KMT5A: variants seen among roughly 807,000 people sequenced by gnomAD.
KMT5A encodes the protein N-lysine methyltransferase KMT5A.
KMT5A carries 6 observed loss-of-function variants against 40.6 expected under a neutral mutation model. That is an observed-to-expected ratio of 0.15 (90% confidence interval 0.08 to 0.29). KMT5A has a LOEUF of 0.29. Among genes scored for constraint, KMT5A ranks in the 10% least tolerant of loss-of-function variants. The pLI is 1.00. For synonymous variants in KMT5A, 153 were observed against 178.8 expected (o/e 0.86, Z 1.15); for missense variants, 308 against 459.1 (o/e 0.67, Z 3.01).
rs1164992136 is a variant in KMT5A, at chr12:123,403,696, C to T, written c.657+64C>T. On this transcript the variant is annotated intron_variant, in intron 6 of 7. Transcript: ENST00000402868. The stretch of plus-strand genomic sequence containing the variant: ...TGGAAGAGCTCACCTTCCCTGGTCC[C>T]GTGGCTGAGAGTGGCCACCATGTGG... The T allele has an allele frequency of 8.8e-6, 14 of 1,597,900 alleles. 1 individual carries two copies. The highest frequency in any genetic ancestry group is 7.7e-5 in the South Asian group (7 of 90,606).
chr12:123,389,999 C>G (rs1241347172), intron 2 of KMT5A: 1 of 460,188 alleles, frequency 2.2e-6, no homozygotes, highest in African/African-American at 2.0e-5. Flanking sequence ...CCCGTCCACT[C>G]TCTTACTGAC....
chr12:123,402,041 A>C lies in KMT5A; in HGVS notation c.598-1532A>C, dbSNP rs187161133. 3.5e-3 allele frequency among the ~76,000 whole-genome samples: 540 copies of C among 152,248 alleles called. 3 individuals carry two copies. The highest frequency in any genetic ancestry group is 0.012 in the African/African-American group (492 of 41,546). ...GCTGGGACCAAAGGTGTACGCCACCACACCTAGCTTATTTATTTTTTGTAG... is the reference window on the plus strand; with the variant it reads ...GCTGGGACCAAAGGTGTACGCCACCCCACCTAGCTTATTTATTTTTTGTAG... On this transcript the variant is annotated intron_variant, in intron 5 of 7. Transcript: ENST00000402868.
rs542347513 is a variant in KMT5A, at chr12:123,402,687, G to C, written c.598-886G>C. On this transcript the variant is annotated intron_variant, in intron 5 of 7. Transcript: ENST00000402868. ...TAGGGATGGAGGTAGGTGCAGGAGG[G>C]GTGGCCTTAGAGGAGAGGTGGATCC... Among the ~76,000 whole-genome samples, 606 of 152,322 alleles carry C rather than the reference G, an allele frequency of 4.0e-3. 6 individuals are homozygous for C. The highest frequency in any genetic ancestry group is 6.0e-3 in the Non-Finnish European group (410 of 68,032).
chr12:123,406,711 A>G (rs1362490157), intron 7 of KMT5A, among the ~76,000 whole-genome samples: 2 of 151,528 alleles, frequency 1.3e-5, no homozygotes, highest in Non-Finnish European at 2.9e-5. Context: ...CCCCCCACCC[A>G]GGGCCTGTGC....
At chr12:123,390,400 G>T (rs1877211581) in intron 2 of KMT5A, among the ~76,000 whole-genome samples, 1 of 152,162 alleles carries the variant, frequency 6.6e-6, no homozygotes, top group South Asian at 2.1e-4. Flanking sequence ...CTGCTGGCCA[G>T]CTGTCCCCTT....
chr12:123,395,407 A>G, intron 4 of KMT5A, 141 bp downstream of exon 4: 1 of 820,222 alleles, frequency 1.2e-6, no homozygotes, highest in South Asian at 1.8e-5. Context: ...GCCCCGAGTC[A>G]TCAGCAGGGA....
intron 1 of KMT5A, among the ~76,000 whole-genome samples, chr12:123,386,856 ACTTTT>A (rs997383811): frequency 2.7e-5 from 4 of 150,926 alleles, no homozygotes; most frequent in African/African-American, 7.3e-5. Flanking sequence ...AAAAATACAG[ACTTTT>A]CTTTTTTTTT....
rs370770940 is a variant in KMT5A, at chr12:123,396,298, G to C, written c.510-47G>C. 1.9e-6 allele frequency: 3 copies of C among 1,591,642 alleles called. No individual in the cohort carries two copies. In the African/African-American group the frequency reaches 4.0e-5, roughly 21 times the overall value. ...CCTTCTAAGGAGCTGTGTGCCTCCA[G>C]GTTTTCAGTCCTGATATTTATTTTC... On this transcript the variant is annotated intron_variant, in intron 4 of 7. Transcript: ENST00000402868.
chr12:123,400,365 A>AT (rs35326700), intron 5 of KMT5A, among the ~76,000 whole-genome samples: 76,418 of 145,874 alleles, frequency 0.52, 23,700 homozygotes, highest in East Asian at 0.7. Context: ...TTATTTTGCA[A>AT]TTTTTTTTTT....
chr12:123,403,070 T>G (rs1878297234), intron 5 of KMT5A, among the ~76,000 whole-genome samples: 1 of 152,196 alleles, frequency 6.6e-6, no homozygotes, highest in Admixed American at 6.5e-5. Flanking sequence ...CACACCTGGC[T>G]AATTTTTGTA....
At chr12:123,394,257 G>C (rs1326900620) in intron 3 of KMT5A, among the ~76,000 whole-genome samples, 1 of 151,410 alleles carries the variant, frequency 6.6e-6, no homozygotes, top group Non-Finnish European at 1.5e-5. Context: ...GTGTCCGCCA[G>C]TACACTTGGC....
Position 123,407,481 on chromosome 12 carries a change from C to G in KMT5A, c.849-12C>G, listed in dbSNP as rs200816147. On this transcript the variant is annotated splice_polypyrimidine_tract_variant and intron_variant, in intron 7 of 7. Coordinates refer to ENST00000402868, the MANE Select transcript of KMT5A (RefSeq NM_020382.7). ...ATCCATTTAATCCTCTCTGGCCCTCCTTCCCCTCCAGCGTGGATGCAACTA... is the reference window on the plus strand; with the variant it reads ...ATCCATTTAATCCTCTCTGGCCCTCGTTCCCCTCCAGCGTGGATGCAACTA... 80 of 1,613,760 alleles carry G rather than the reference C, an allele frequency of 5.0e-5. No individual in the cohort carries two copies. In the African/African-American group the frequency reaches 7.2e-4, roughly 15 times the overall value.
chr12:123,391,301 T>A (rs548301120), intron 3 of KMT5A: 1 of 155,490 alleles, frequency 6.4e-6, no homozygotes, highest in East Asian at 1.9e-4. Context: ...CTCAAGCGAT[T>A]CTTCTGCTGC....
rs760369562 is a variant in KMT5A at position 123,407,622 on chromosome 12, C to A, written c.978C>A (p.Ile326=). ...TCATCCTCATCGCCTCCCGAGACAT[C>A]GCGGCTGGGGAGGAGCTCCTGTATG... is the stretch of plus-strand genomic sequence containing the variant. ...PHLILIASRD[I]AAGEELLYDY... Residue 326 remains isoleucine, a synonymous_variant, in exon 8 of 8, where the codon ATC becomes ATA. Transcript: ENST00000402868. The A allele has an allele frequency of 1.2e-6, 2 of 1,613,890 alleles. No homozygotes were observed. Among genetic ancestry groups the A allele is most frequent in the Non-Finnish European group, 1.7e-6 (2 of 1,179,850 alleles).
intron 2 of KMT5A, chr12:123,390,118 T>C: frequency 2.1e-6 from 1 of 467,954 alleles, no homozygotes; most frequent in Non-Finnish European, 4.4e-6. Flanking sequence ...GTCGCAGCCC[T>C]GGAGGCTGCG....
chr12:123,387,343 C>T lies in KMT5A; in HGVS notation c.11-2090C>T, dbSNP rs73410282. Among the ~76,000 whole-genome samples, 800 of 152,172 alleles carry T rather than the reference C, an allele frequency of 5.3e-3. 12 individuals are homozygous for T. The highest frequency in any genetic ancestry group is 0.018 in the African/African-American group (760 of 41,506). On this transcript the variant is annotated intron_variant, in intron 1 of 7. Coordinates refer to ENST00000402868, the MANE Select transcript of KMT5A (RefSeq NM_020382.7). ...GAGAAAGCTATGACCATGAGTGGGG[C>T]GTGGGGTGTGGCTCGGTATACTAGA...
At chr12:123,405,603 T>A (rs1878491316) in intron 7 of KMT5A, among the ~76,000 whole-genome samples, 1 of 123,726 alleles carries the variant, frequency 8.1e-6, no homozygotes, top group South Asian at 2.9e-4. Context: ...CACTGCAACC[T>A]CCACCTCCCG....
intron 5 of KMT5A, among the ~76,000 whole-genome samples, chr12:123,397,115 C>T (rs1055323492): frequency 1.3e-5 from 2 of 152,374 alleles, no homozygotes; most frequent in South Asian, 2.1e-4. Flanking sequence ...ATACTAGGAG[C>T]CTGCAGACCA....
rs888184222 is a variant in KMT5A, at chr12:123,390,569, C to A, written c.133-61C>A. ...TTTCATCTTTTGTATTCCTCCTCCT[C>A]GTGAATGCTCTAGGATCTTCTTCTT... On this transcript the variant is annotated intron_variant, in intron 2 of 7. Transcript: ENST00000402868. 5 of 1,568,424 alleles carry A rather than the reference C, an allele frequency of 3.2e-6. No homozygotes were observed. In the African/African-American group the frequency reaches 5.5e-5, roughly 17 times the overall value.
Sources: gnomAD v4.1 joint callset for allele counts (sites outside exome capture counted in the v4.1 genomes callset) on GRCh38, gnomAD v4.1.1 for gene constraint, MANE v1.5 for transcripts, NCBI Gene and HGNC (gene_info 2026-07-23, HGNC 2026-07-21) for gene names.